The following ADGRL2 variants were observed in gnomAD, a reference collection of about 807,000 sequenced individuals.
ADGRL2 encodes adhesion G protein-coupled receptor L2, also known as calcium-independent alpha-latrotoxin receptor 2.
Under a neutral mutation model 157.4 loss-of-function variants are expected in ADGRL2, and 44 were observed. The ratio of observed to expected loss-of-function variants is 0.28; its 90% confidence interval spans 0.22 to 0.36. The LOEUF is 0.36. Among genes scored for constraint, ADGRL2 ranks in the 10% least tolerant of loss-of-function variants. ADGRL2 has a pLI of 1.00. For missense variants in ADGRL2, 1,510 were observed against 1,768.9 expected, an observed-to-expected ratio of 0.85 and a Z score of 2.63; for synonymous variants, 585 against 624.7, an observed-to-expected ratio of 0.94 and a Z score of 0.95.
intron 2 of ADGRL2, among the ~76,000 whole-genome samples, chr1:81,515,755 A>G (rs2079164003): frequency 6.6e-6 from 1 of 152,198 alleles, no homozygotes. Flanking sequence ...ATTGTATTTT[A>G]TACATAAACA....
chr1:81,871,531 A>G (rs889643281), intron 2 of ADGRL2, among the ~76,000 whole-genome samples: 13 of 152,158 alleles, frequency 8.5e-5, no homozygotes, highest in African/African-American at 3.1e-4. Context: ...CAATGGTTGA[A>G]CTAGTTTACA....
chr1:81,931,782 C>A (rs368724667), intron 3 of ADGRL2, among the ~76,000 whole-genome samples: 2 of 151,996 alleles, frequency 1.3e-5, no homozygotes, highest in East Asian at 3.9e-4. Context: ...CAGGCACATA[C>A]CACCACACCT....
intron 3 of ADGRL2, among the ~76,000 whole-genome samples, chr1:81,615,274 A>G (rs1252672175): frequency 6.6e-6 from 1 of 152,208 alleles, no homozygotes; most frequent in Non-Finnish European, 1.5e-5. Flanking sequence ...TAAACGGACC[A>G]ATCAGCAGGA....
At chr1:81,428,324 T>A (rs371628499) in intron 1 of ADGRL2, among the ~76,000 whole-genome samples, 16 of 134,352 alleles carry the variant, frequency 1.2e-4, no homozygotes, top group African/African-American at 2.2e-4. Flanking sequence ...TTAAAAAAAA[T>A]ATCTCAAAAT....
intron 2 of ADGRL2, among the ~76,000 whole-genome samples, chr1:81,866,857 A>G (rs184128595): frequency 6.6e-5 from 10 of 152,222 alleles, no homozygotes; most frequent in Admixed American, 3.3e-4. Flanking sequence ...TTTGGGATGT[A>G]TGGGGTTTTT....
chr1:81,906,074 T>C (rs2094579713), intron 2 of ADGRL2, among the ~76,000 whole-genome samples: 1 of 152,058 alleles, frequency 6.6e-6, no homozygotes, highest in Admixed American at 6.6e-5. Context: ...TTTACCCAGC[T>C]CTGTTTCTGT....
chr1:81,644,558 G>C (rs1401062705), intron 3 of ADGRL2, among the ~76,000 whole-genome samples: 1 of 152,102 alleles, frequency 6.6e-6, no homozygotes, highest in Non-Finnish European at 1.5e-5. Flanking sequence ...ATGGGCCAAA[G>C]ACCTTAACAG....
At chr1:81,428,505 C>A (rs1212310033) in intron 1 of ADGRL2, among the ~76,000 whole-genome samples, 1 of 152,014 alleles carries the variant, frequency 6.6e-6, no homozygotes, top group South Asian at 2.1e-4. Flanking sequence ...AACATGCAAA[C>A]GCATGGGAGT....
At chr1:81,845,683 A>AT (rs61432254) in intron 2 of ADGRL2, among the ~76,000 whole-genome samples, 140 of 144,606 alleles carry the variant, frequency 9.7e-4, no homozygotes, top group African/African-American at 2.4e-3. Context: ...TACTTTTCTT[A>AT]TTTTTTTTTT....
intron 3 of ADGRL2, among the ~76,000 whole-genome samples, chr1:81,907,926 A>T (rs544358139): frequency 6.6e-6 from 1 of 152,314 alleles, no homozygotes; most frequent in South Asian, 2.1e-4. Flanking sequence ...CTTTTTGGTT[A>T]GTGATGAACT....
At chr1:81,506,566 C>G (rs549574503) in intron 2 of ADGRL2, among the ~76,000 whole-genome samples, 1 of 151,994 alleles carries the variant, frequency 6.6e-6, no homozygotes, top group East Asian at 1.9e-4. Flanking sequence ...AAAAATTAGC[C>G]AGGTGTGTCA....
chr1:81,306,460 A>T (rs1423811830), exon 1 of ADGRL2: 1 of 152,024 alleles, frequency 6.6e-6, no homozygotes, highest in Non-Finnish European at 1.5e-5. Flanking sequence ...GGCTTTACTT[A>T]CAACTTTTTT....
chr1:81,743,817 T>G (rs2085156106), intron 1 of ADGRL2, among the ~76,000 whole-genome samples: 1 of 152,152 alleles, frequency 6.6e-6, no homozygotes. Flanking sequence ...GTTCACCAGC[T>G]TTAATTGTAG....
chr1:81,314,531 AAGG>A (rs935952034), intron 1 of ADGRL2, among the ~76,000 whole-genome samples: 1 of 152,194 alleles, frequency 6.6e-6, no homozygotes, highest in Non-Finnish European at 1.5e-5. Context: ...CAGTAGAAAA[AAGG>A]AGAATCAGGA....
chr1:81,441,336 C>T (rs1244995382), intron 1 of ADGRL2, among the ~76,000 whole-genome samples: 1 of 152,118 alleles, frequency 6.6e-6, no homozygotes, highest in Non-Finnish European at 1.5e-5. Flanking sequence ...GCATACACTT[C>T]ATCTACCTAA....
rs1476593404 is a variant in ADGRL2, at chr1:81,837,170, A to G, written c.73+113A>G. On this transcript the variant is annotated intron_variant, in intron 2 of 23. Coordinates refer to ENST00000686636, the MANE Select transcript of ADGRL2 (RefSeq NM_001366006.2). ...TTTATTATTTTAAAAATAGGTGTTA[A>G]AATTATTTCCTGAATATTGAATTGT... 7.6e-6 allele frequency: 4 copies of G among 528,064 alleles called. No homozygotes were observed. The African/African-American group carries it at 8.0e-5, about 11-fold the overall frequency. 32.7% of individuals were successfully genotyped at this position (528,064 alleles called of 1,614,324 possible). A position where few individuals can be genotyped will look rare whatever the true frequency, so the allele number is the denominator to read the frequency against.
At chr1:81,894,804 A>C (rs2094346445) in intron 2 of ADGRL2, among the ~76,000 whole-genome samples, 1 of 152,060 alleles carries the variant, frequency 6.6e-6, no homozygotes, top group Non-Finnish European at 1.5e-5. Context: ...CAATAGAATT[A>C]GTGTGTTCAG....
At chr1:81,526,620 G>C (rs2079462870) in intron 2 of ADGRL2, among the ~76,000 whole-genome samples, 1 of 152,102 alleles carries the variant, frequency 6.6e-6, no homozygotes, top group Non-Finnish European at 1.5e-5. Flanking sequence ...TCCCGATTAG[G>C]ATTCTCTCCT....
chr1:81,532,834 C>A (rs564984958), intron 2 of ADGRL2, among the ~76,000 whole-genome samples: 1 of 152,078 alleles, frequency 6.6e-6, no homozygotes, highest in Non-Finnish European at 1.5e-5. Context: ...GTGGGAGGAT[C>A]ACTTGAGCCC....
Sources: gnomAD v4.1 joint callset for allele counts (sites outside exome capture counted in the v4.1 genomes callset) on GRCh38, gnomAD v4.1.1 for gene constraint, MANE v1.5 for transcripts, NCBI Gene and HGNC (gene_info 2026-07-23, HGNC 2026-07-21) for gene names.